Variants in AFF3 observed in about 807,000 individuals in gnomAD.
AFF3 encodes the protein AF4/FMR2 family member 3.
AFF3 carries 32 observed loss-of-function variants against 129.7 expected under a neutral mutation model. The ratio of observed to expected loss-of-function variants is 0.25; its 90% CI spans 0.19 to 0.33. The LOEUF (loss-of-function observed/expected upper bound fraction) is 0.33. Ranked by LOEUF, AFF3 falls within the 10% of genes least tolerant of loss-of-function variation. The probability of loss-of-function intolerance (pLI) is 1.00; values close to 1 mark genes in which losing one functional copy is unlikely to be tolerated. For missense variants in AFF3, 1,373 were observed against 1,592.0 expected, an observed-to-expected ratio of 0.86 and a Z score of 2.34; for synonymous variants, 644 against 635.4, an observed-to-expected ratio of 1.01 and a Z score of -0.20.
At chr2:99,998,890 A>C (rs941537529) in intron 7 of AFF3, among the ~76,000 whole-genome samples, 1 of 152,200 alleles carries the variant, frequency 6.6e-6, no homozygotes, top group Non-Finnish European at 1.5e-5. Flanking sequence ...AGAACTCTGC[A>C]TATTTTAGGT....
intron 4 of AFF3, among the ~76,000 whole-genome samples, chr2:100,103,545 A>G (rs1368031759): frequency 6.7e-6 from 1 of 150,308 alleles, no homozygotes; most frequent in Non-Finnish European, 1.5e-5. Context: ...AGAAGGGGGA[A>G]TAAGACAGAT....
intron 7 of AFF3, among the ~76,000 whole-genome samples, chr2:99,938,712 A>T (rs1481219333): frequency 6.6e-6 from 1 of 152,182 alleles, no homozygotes; most frequent in Non-Finnish European, 1.5e-5. Flanking sequence ...CCTTTGGATA[A>T]GACTGCAACA....
intron 7 of AFF3, among the ~76,000 whole-genome samples, chr2:99,906,800 C>T (rs1371039390): frequency 2.0e-5 from 3 of 151,978 alleles, no homozygotes; most frequent in Admixed American, 2.0e-4. Context: ...TCGTATAAGC[C>T]AACACCTTGC....
chr2:100,009,057 A>G, intron 4 of AFF3, 125 bp from the exon 5 acceptor site: 1 of 1,313,592 alleles, frequency 7.6e-7, no homozygotes, highest in South Asian at 1.5e-5. Flanking sequence ...AAGAACATGG[A>G]TGAGACAAAA....
At chr2:99,955,821 G>T (rs902554040) in intron 7 of AFF3, among the ~76,000 whole-genome samples, 1 of 152,036 alleles carries the variant, frequency 6.6e-6, no homozygotes. Context: ...TCTTTAAAAG[G>T]GTACAAAAAT....
intron 13 of AFF3, among the ~76,000 whole-genome samples, chr2:99,648,041 C>A (rs920579995): frequency 6.6e-6 from 1 of 152,150 alleles, no homozygotes; most frequent in Admixed American, 6.5e-5. Context: ...GTATTTGTGA[C>A]CATGTCTTCA....
intron 9 of AFF3, 21 bp downstream of exon 9, chr2:99,752,200 C>G (rs1263208289): frequency 2.5e-6 from 4 of 1,592,276 alleles, no homozygotes; most frequent in Non-Finnish European, 3.4e-6. Context: ...CATATTCCTC[C>G]TGAGGGATGC....
chr2:99,738,978 T>C (rs1297416281), intron 10 of AFF3, among the ~76,000 whole-genome samples: 1 of 151,914 alleles, frequency 6.6e-6, no homozygotes, highest in Non-Finnish European at 1.5e-5. Context: ...GTTTCTCTCT[T>C]TGGTATTAGT....
intron 10 of AFF3, among the ~76,000 whole-genome samples, chr2:99,732,764 T>C (rs1336260817): frequency 6.6e-6 from 1 of 152,190 alleles, no homozygotes; most frequent in Non-Finnish European, 1.5e-5. Context: ...TGGCCAACTT[T>C]AGCAGGGAAT....
chr2:99,740,284 T>C (rs953230394), intron 10 of AFF3, among the ~76,000 whole-genome samples: 1 of 150,968 alleles, frequency 6.6e-6, no homozygotes. Flanking sequence ...CGTGTGCATG[T>C]GTCTTTATAG....
At chr2:100,083,141 T>C (rs891769584) in intron 4 of AFF3, among the ~76,000 whole-genome samples, 7 of 152,160 alleles carry the variant, frequency 4.6e-5, no homozygotes, top group Non-Finnish European at 8.8e-5. Flanking sequence ...CTTAAAATAA[T>C]GCATTTGAAT....
At chr2:99,798,800 A>G (rs1223216684) in intron 8 of AFF3, among the ~76,000 whole-genome samples, 7 of 152,034 alleles carry the variant, frequency 4.6e-5, no homozygotes. Context: ...ACACGAAGCA[A>G]AAGTGAATAC....
At chr2:100,055,251 C>A (rs1047262393) in intron 4 of AFF3, among the ~76,000 whole-genome samples, 2 of 151,944 alleles carry the variant, frequency 1.3e-5, no homozygotes, top group African/African-American at 4.8e-5. Flanking sequence ...TACCTTAGGG[C>A]CAGAATTTTT....
intron 4 of AFF3, among the ~76,000 whole-genome samples, chr2:100,032,035 A>G (rs942541815): frequency 6.6e-5 from 10 of 152,204 alleles, no homozygotes; most frequent in African/African-American, 1.9e-4. Context: ...CTACTATATA[A>G]CTCTGTGTCT....
At chr2:99,647,726 A>G (rs1389644548) in intron 13 of AFF3, among the ~76,000 whole-genome samples, 1 of 152,260 alleles carries the variant, frequency 6.6e-6, no homozygotes, top group Non-Finnish European at 1.5e-5. Context: ...CTAGAATAGC[A>G]AAGTCAGCTC....
intron 2 of AFF3, chr2:100,106,447 AAAAG>A (rs1339201572): frequency 5.9e-5 from 60 of 1,022,284 alleles, no homozygotes; most frequent in Admixed American, 1.0e-4. Context: ...AAAAAAAAGA[AAAAG>A]AAAATCTGTC....
chr2:100,007,269 G>A lies in AFF3; in HGVS notation c.366C>T (p.Pro122=), dbSNP rs1682058714. 3.7e-6 allele frequency: 6 copies of A among 1,613,984 alleles called. No homozygotes were observed. Among genetic ancestry groups the A allele is most frequent in the African/African-American group, 2.7e-5 (2 of 74,898 alleles). The stretch of plus-strand genomic sequence containing the variant: ...AAGTTGTAGTGCTACAGATAGACGA[G>A]GGCTGGTTCTGGGCTCTTGAATCTG... ...FVADSRAQNQ[P]SSICSTTTST... is the part of the protein sequence containing the mutation. Residue 122 remains proline (P), a synonymous_variant, in exon 6 of 25, where the codon CCC becomes CCT. Coordinates refer to ENST00000672756, the MANE Select transcript of AFF3 (RefSeq NM_001386135.1).
rs1217895523 is a variant in AFF3, at chr2:99,582,870, C to T, written c.2721G>A (p.Leu907=). ...TTTTGCTGGAAGAGGCTGAAGTAAACAAACTGTTGCCATTAGGTCGGCTGG... is the reference window on the plus strand; with the variant it reads ...TTTTGCTGGAAGAGGCTGAAGTAAATAAACTGTTGCCATTAGGTCGGCTGG... The part of the protein sequence containing the change: ...TSSSRPNGNS[L]FTSASSSKKP... The change falls in exon 17 of 25, where the codon TTG becomes TTA. Residue 907 remains leucine (L), a synonymous_variant. Transcript: ENST00000672756. 6.2e-7 allele frequency: 1 copy of T among 1,614,188 alleles called. No individual in the cohort carries two copies. The highest frequency in any genetic ancestry group is 8.5e-7 in the Non-Finnish European group (1 of 1,180,022).
Position 99,768,272 on chromosome 2 carries a change from C to T in AFF3, c.922-15971G>A, listed in dbSNP as rs1158026519. Among the ~76,000 whole-genome samples, 7 of 152,138 alleles carry T rather than the reference C, an allele frequency of 4.6e-5. No homozygotes were observed. The East Asian group carries it at 1.4e-3, about 29-fold the overall frequency. On this transcript the variant is annotated intron_variant, in intron 8 of 24. Coordinates refer to ENST00000672756, the MANE Select transcript of AFF3 (RefSeq NM_001386135.1). ...AAATAGCAAATGCAGGAGAGTGAAA[C>T]CCCCCAGGATCCTAACACCTGCAGA...
Sources: allele counts gnomAD v4.1 joint callset (sites outside exome capture counted in the v4.1 genomes callset), GRCh38; gene constraint gnomAD v4.1.1; transcripts MANE v1.5; gene names NCBI Gene and HGNC (gene_info 2026-07-23, HGNC 2026-07-21).